Variants in CDX4 observed in about 807,000 individuals in gnomAD.
CDX4 encodes the protein caudal type homeobox 4.
Under a neutral mutation model 14.1 loss-of-function variants are expected in CDX4, and 11 were observed. The observed-to-expected ratio is 0.78, with a 90% confidence interval of 0.49 to 1.29. The LOEUF is 1.29. CDX4 is among the 50% of genes most tolerant of loss of function. The pLI is 0.00. For missense variants in CDX4, 257 were observed against 237.4 expected, an observed-to-expected ratio of 1.08 and a Z score of -0.54; for synonymous variants, 100 against 93.5, an observed-to-expected ratio of 1.07 and a Z score of -0.40.
intron 2 of CDX4, 147 bp from the exon 3 acceptor site, chrX:73,454,228 TAACC>T: frequency 2.2e-6 from 1 of 457,235 alleles, no homozygotes. Flanking sequence ...GCTTTTTTTC[TAACC>T]TGTTAAGTGG....
At chrX:73,447,921 T>G (rs2057076409) in intron 1 of CDX4, among the ~76,000 whole-genome samples, 166 bp downstream of exon 1, 1 of 112,299 alleles carries the variant, frequency 8.9e-6, no homozygotes, top group African/African-American at 3.2e-5. Context: ...CGCATTCGCC[T>G]GGGCTCAAAA....
chrX:73,454,789 A>T lies in CDX4; in HGVS notation c.*204A>T. On this transcript the variant is annotated 3_prime_UTR_variant, in exon 3 of 3. Transcript: ENST00000373514. Reference sequence around the variant, plus strand: ...GAAAACTCCTGTCACGTGCTGTGCTATATGTCAGTCACTCAGGAATCTTAG... The same window carrying T: ...GAAAACTCCTGTCACGTGCTGTGCTTTATGTCAGTCACTCAGGAATCTTAG... 1 of 389,057 alleles carries T rather than the reference A, an allele frequency of 2.6e-6. No individual in the cohort carries two copies. Among genetic ancestry groups the T allele is most frequent in the African/African-American group, 2.5e-5 (1 of 40,127 alleles). The allele number at this position is 389,057 out of a possible 1,213,427, so 32.1% of individuals were successfully genotyped here.
At position 73,453,398 on chromosome X, in the gene CDX4, A is replaced by G. The variant is rs374127211; in HGVS notation, c.503-119A>G. On this transcript the variant is annotated intron_variant, in intron 1 of 2. Coordinates refer to ENST00000373514, the MANE Select transcript of CDX4 (RefSeq NM_005193.2). Reference sequence around the variant, plus strand: ...TTTTATGAATATTTGATTCAAAAATATACTTATTTTATATTTTAAAGCAAA... The same window carrying G: ...TTTTATGAATATTTGATTCAAAAATGTACTTATTTTATATTTTAAAGCAAA... The G allele has an allele frequency of 1.5e-5, 8 of 547,238 alleles. No individual in the cohort carries two copies. In the East Asian group the frequency reaches 2.7e-4, roughly 18 times the overall value. The allele number at this position is 547,238 out of a possible 1,213,427, so 45.1% of individuals were successfully genotyped here.
chrX:73,453,888 G>A (rs2147490728), intron 2 of CDX4, among the ~76,000 whole-genome samples: 1 of 111,042 alleles, frequency 9.0e-6, no homozygotes, highest in East Asian at 2.8e-4. Flanking sequence ...TTTACTAATA[G>A]GAAGACAAAC....
chrX:73,449,777 G>T (rs2057081529), intron 1 of CDX4, among the ~76,000 whole-genome samples: 1 of 111,407 alleles, frequency 9.0e-6, no homozygotes, highest in Non-Finnish European at 1.9e-5. Flanking sequence ...TAGAAAAAAT[G>T]CACAAAGGCA....
At chrX:73,453,730 T>A in intron 2 of CDX4, 68 bp downstream of exon 2, 1 of 988,699 alleles carries the variant, frequency 1.0e-6, no homozygotes, top group Non-Finnish European at 1.4e-6. Context: ...TCTAGAATTG[T>A]AAAGTCCCTT....
chrX:73,452,120 GTCC>G (rs1321150106), intron 1 of CDX4, among the ~76,000 whole-genome samples: 2 of 74,604 alleles, frequency 2.7e-5, no homozygotes, highest in African/African-American at 1.0e-4. Flanking sequence ...CTTCACTGGT[GTCC>G]TTTTTTTTTT....
intron 1 of CDX4, among the ~76,000 whole-genome samples, chrX:73,448,017 G>A (rs1169074982): frequency 8.9e-6 from 1 of 112,275 alleles, no homozygotes; most frequent in Non-Finnish European, 1.9e-5. Flanking sequence ...AAGCGAGTGA[G>A]TGGACAATGG....
At chrX:73,453,423 A>G (rs1034682452) in intron 1 of CDX4, 94 bp from the exon 2 acceptor site, 51 of 662,937 alleles carry the variant, frequency 7.7e-5, no homozygotes, top group Non-Finnish European at 1.1e-4. Context: ...TTTAAAGCAA[A>G]GATGAGGGTG....
chrX:73,448,635 C>A (rs1015253338), intron 1 of CDX4, among the ~76,000 whole-genome samples: 3 of 112,520 alleles, frequency 2.7e-5, no homozygotes, highest in South Asian at 3.7e-4. Flanking sequence ...CACAGCCTAA[C>A]CAGCAAGCCA....
Position 73,453,533 on chromosome X carries a change from A to G in CDX4, c.519A>G (p.Lys173=). The G allele has an allele frequency of 8.3e-7, 1 of 1,201,875 alleles. No homozygotes were observed. Among genetic ancestry groups the G allele is most frequent in the African/African-American group, 1.7e-5 (1 of 57,280 alleles). The change falls in exon 2 of 3, where the codon AAA becomes AAG. Residue 173 remains lysine (K), a synonymous_variant. Coordinates refer to ENST00000373514, the MANE Select transcript of CDX4 (RefSeq NM_005193.2). ...TCCTAACAGGGAAAACCAGGACAAAAGAAAAGTATCGTGTAGTTTACACTG... is the reference window on the plus strand; with the variant it reads ...TCCTAACAGGGAAAACCAGGACAAAGGAAAAGTATCGTGTAGTTTACACTG... ...TVQVTGKTRT[K]EKYRVVYTDH...
In CDX4 at chrX:73,447,582, C is replaced by T. The variant is rs750098739; in HGVS notation, c.329C>T (p.Ser110Leu). 1 of 1,211,311 alleles carries T rather than the reference C, an allele frequency of 8.3e-7. No homozygotes were observed. The highest frequency in any genetic ancestry group is 1.8e-5 in the South Asian group (1 of 56,904). ...ACCTCTAGCCCCGCCGCTTTCTGCT[C>T]GACCGACTACAGCAACTTGGGCCCT... The part of the protein sequence containing the change: ...DVTSSPAAFC[S>L]TDYSNLGPVG... Residue 110 changes from serine (S) to leucine (L), a missense_variant, in exon 1 of 3, where the codon TCG becomes TTG. By Grantham distance (145) the Ser-to-Leu change is moderately radical. Transcript: ENST00000373514.
At chrX:73,451,168 T>C (rs893533792) in intron 1 of CDX4, among the ~76,000 whole-genome samples, 1 of 111,764 alleles carries the variant, frequency 8.9e-6, no homozygotes, top group Non-Finnish European at 1.9e-5. Context: ...CAATAAAAGT[T>C]AGTTCTGTTA....
At chrX:73,449,944 C>G (rs2057082106) in intron 1 of CDX4, among the ~76,000 whole-genome samples, 1 of 111,396 alleles carries the variant, frequency 9.0e-6, no homozygotes, top group South Asian at 3.8e-4. Context: ...AAAATGCACC[C>G]ATTTATATGC....
chrX:73,450,184 A>G (rs999961017), intron 1 of CDX4, among the ~76,000 whole-genome samples: 4 of 111,968 alleles, frequency 3.6e-5, no homozygotes, highest in African/African-American at 1.3e-4. Flanking sequence ...TGCATGTATT[A>G]GTGGACAATC....
intron 1 of CDX4, among the ~76,000 whole-genome samples, chrX:73,450,222 G>A (rs1358819881): frequency 8.9e-6 from 1 of 111,813 alleles, no homozygotes; most frequent in Non-Finnish European, 1.9e-5. Flanking sequence ...GACCATTATA[G>A]CATGTTATTT....
chrX:73,453,648 C>A lies in CDX4; in HGVS notation c.634C>A (p.Leu212Ile). ...ATCAGAGCTGGCAGTTAACCTGGGCCTTTCCGAGAGACAGGTACACCAGAA... is the reference window on the plus strand; with the variant it reads ...ATCAGAGCTGGCAGTTAACCTGGGCATTTCCGAGAGACAGGTACACCAGAA... ...RKSELAVNLG[L>I]SERQVKIWFQ... is the part of the protein sequence containing the mutation. Residue 212 changes from leucine (L) to isoleucine (I), a missense_variant, in exon 2 of 3, where the codon CTT becomes ATT. By Grantham distance (5) the Leu-to-Ile change is conservative (BLOSUM62 2). Coordinates refer to ENST00000373514, the MANE Select transcript of CDX4 (RefSeq NM_005193.2). 5.0e-6 allele frequency: 6 copies of A among 1,204,461 alleles called. No homozygotes were observed. The highest frequency in any genetic ancestry group is 6.7e-6 in the Non-Finnish European group (6 of 890,944).
In CDX4 at chrX:73,454,688, G is replaced by A. The variant is rs971257374; in HGVS notation, c.*103G>A. The A allele has an allele frequency of 1.8e-6, 1 of 544,029 alleles. No homozygotes were observed. The highest frequency in any genetic ancestry group is 3.6e-5 in the East Asian group (1 of 27,802). The allele number at this position is 544,029 out of a possible 1,213,427, so 44.8% of individuals were successfully genotyped here. A position where few individuals can be genotyped will look rare whatever the true frequency, so the allele number is the denominator to read the frequency against. ...GGAGCAGGGTGTAATTCCCTGTAAGGCAGTATTTGGAACAGATGGATGCAC... is the reference window on the plus strand; with the variant it reads ...GGAGCAGGGTGTAATTCCCTGTAAGACAGTATTTGGAACAGATGGATGCAC... On this transcript the variant is annotated 3_prime_UTR_variant, in exon 3 of 3. Coordinates refer to ENST00000373514, the MANE Select transcript of CDX4 (RefSeq NM_005193.2).
chrX:73,447,263 A>C lies in CDX4; in HGVS notation c.10A>C (p.Ser4Arg). The change falls in exon 1 of 3, where the codon AGC (serine) becomes CGC (arginine). Residue 4 changes from serine to arginine, a missense_variant. Ser to Arg is a moderately radical substitution (Grantham distance 110). Transcript: ENST00000373514. The part of the protein sequence containing the change: MYG[S>R]CLLEKEAGMY... ...TTCTACCCAAGACACGATGTACGGAAGCTGTCTTTTGGAGAAAGAAGCAGG... is the reference window on the plus strand; with the variant it reads ...TTCTACCCAAGACACGATGTACGGACGCTGTCTTTTGGAGAAAGAAGCAGG... The C allele has an allele frequency of 8.3e-7, 1 of 1,207,478 alleles. No homozygotes were observed.
Sources: gnomAD v4.1 joint callset for allele counts (sites outside exome capture counted in the v4.1 genomes callset) on GRCh38, gnomAD v4.1.1 for gene constraint, MANE v1.5 for transcripts, NCBI Gene and HGNC (gene_info 2026-07-23, HGNC 2026-07-21) for gene names.